Variants in TMTC3 observed in about 807,000 individuals in gnomAD.
TMTC3 encodes transmembrane O-mannosyltransferase targeting cadherins 3, also known as protein O-mannosyl-transferase TMTC3.
In TMTC3, 52 loss-of-function variants were observed where a neutral mutation model predicts 92.2. The observed-to-expected ratio is 0.56, with a 90% CI of 0.45 to 0.71. The LOEUF (loss-of-function observed/expected upper bound fraction) is 0.71. Ranked by LOEUF, TMTC3 falls within the 30% of genes least tolerant of loss-of-function variation. The probability of loss-of-function intolerance (pLI) is 0.00; values close to 1 mark genes in which losing one functional copy is unlikely to be tolerated. For synonymous variants in TMTC3, 339 were observed against 363.3 expected (o/e 0.93, Z 0.76); for missense variants, 896 against 1,057.1 (o/e 0.85, Z 2.11).
chr12:88,160,886 T>G, intron 6 of TMTC3, 35 bp downstream of exon 6: 1 of 1,540,160 alleles, frequency 6.5e-7, no homozygotes, highest in Non-Finnish European at 8.8e-7. Context: ...TCTCCATTCT[T>G]TTTTTTAACT....
chr12:88,194,374 T>C (rs1214278562), intron 13 of TMTC3, among the ~76,000 whole-genome samples: 1 of 152,182 alleles, frequency 6.6e-6, no homozygotes, highest in Non-Finnish European at 1.5e-5. Flanking sequence ...CCAGTAATAG[T>C]TACTATTTGC....
At chr12:88,180,288 A>C (rs2041302840) in intron 10 of TMTC3, among the ~76,000 whole-genome samples, 1 of 152,148 alleles carries the variant, frequency 6.6e-6, no homozygotes, top group Non-Finnish European at 1.5e-5. Flanking sequence ...ACCTCAGTCC[A>C]GTGTGTGTCA....
At chr12:88,143,862 CA>C (rs1004554359) in intron 1 of TMTC3, among the ~76,000 whole-genome samples, 2 of 152,052 alleles carry the variant, frequency 1.3e-5, no homozygotes, top group Non-Finnish European at 2.9e-5. Flanking sequence ...ATATGCTAAA[CA>C]AGGGGTGGGT....
At position 88,153,413 on chromosome 12, in the gene TMTC3, T is replaced by TG; in HGVS notation, c.313dup (p.Val105GlyfsTer16). 6.2e-7 allele frequency: 1 copy of TG among 1,613,578 alleles called. No homozygotes were observed. Among genetic ancestry groups the TG allele is most frequent in the Non-Finnish European group, 8.5e-7 (1 of 1,179,676 alleles). On this transcript the variant is annotated frameshift_variant, in exon 3 of 14. Coordinates refer to ENST00000266712, the MANE Select transcript of TMTC3 (RefSeq NM_181783.4). LOFTEE classifies it high-confidence loss of function. ...ATATGATTTTTCATGCTGTGGTTAG[T>TG]GTGATATTTCTCAAAGTATGCAAAC... is the stretch of plus-strand genomic sequence containing the variant.
In TMTC3 at chr12:88,190,636, A is replaced by C. The variant is rs373875784; in HGVS notation, c.1706+14A>C. On this transcript the variant is annotated intron_variant, in intron 12 of 13. Transcript: ENST00000266712. ...TTACATTAGCAGGTATCCCAGTTCA[A>C]CTTTAAGCTATCATTATGGAATATT... 1.9e-6 allele frequency: 3 copies of C among 1,610,828 alleles called. No individual in the cohort carries two copies. The highest frequency in any genetic ancestry group is 1.7e-6 in the Non-Finnish European group (2 of 1,178,252).
intron 6 of TMTC3, among the ~76,000 whole-genome samples, chr12:88,164,328 A>G (rs1022804137): frequency 2.6e-5 from 4 of 151,790 alleles, no homozygotes; most frequent in African/African-American, 9.7e-5. Context: ...CCGCACTCCT[A>G]GGGCTCCCAA....
Position 88,196,464 on chromosome 12 carries a change from T to C in TMTC3, c.*815T>C, listed in dbSNP as rs2138452705. 1 of 152,310 alleles carries C rather than the reference T, an allele frequency of 6.6e-6. No homozygotes were observed. Among genetic ancestry groups the C allele is most frequent in the South Asian group, 2.1e-4 (1 of 4,820 alleles). The allele number at this position is 152,310 out of a possible 1,614,324, so 9.4% of individuals were successfully genotyped here. ...TTCTTAGATCGTAGTCATTGAGAAG[T>C]CCCAATAACTCTAAACTTTTGAGTT... On this transcript the variant is annotated 3_prime_UTR_variant, in exon 14 of 14. Coordinates refer to ENST00000266712, the MANE Select transcript of TMTC3 (RefSeq NM_181783.4).
chr12:88,176,288 A>G lies in TMTC3; in HGVS notation c.1401A>G (p.Lys467=). The G allele has an allele frequency of 6.2e-7, 1 of 1,612,224 alleles. No individual in the cohort carries two copies. The highest frequency in any genetic ancestry group is 8.5e-7 in the Non-Finnish European group (1 of 1,179,006). ...ENEKNFERAL[K]YFLQATHVQP... Reference sequence around the variant, plus strand: ...AAAAGAACTTTGAGAGAGCTTTGAAATACTTCTTACAGGCTACCCATGTTC... The same window carrying G: ...AAAAGAACTTTGAGAGAGCTTTGAAGTACTTCTTACAGGCTACCCATGTTC... The change falls in exon 10 of 14, where the codon AAA becomes AAG. Residue 467 remains lysine (K), a synonymous_variant. Coordinates refer to ENST00000266712, the MANE Select transcript of TMTC3 (RefSeq NM_181783.4).
intron 3 of TMTC3, 121 bp from the exon 4 acceptor site, chr12:88,154,167 T>C: frequency 2.9e-6 from 2 of 678,978 alleles, no homozygotes; most frequent in Non-Finnish European, 2.4e-6. Context: ...ACCCAAAGAA[T>C]GTTTAAGAAA....
Position 88,196,590 on chromosome 12 carries a change from A to G in TMTC3, c.*941A>G, listed in dbSNP as rs2041515604. ...AAAGTCACAATTGAATTATTCTTAGATACCTTAAGCCACTGAATTCAGTTC... is the reference window on the plus strand; with the variant it reads ...AAAGTCACAATTGAATTATTCTTAGGTACCTTAAGCCACTGAATTCAGTTC... On this transcript the variant is annotated 3_prime_UTR_variant, in exon 14 of 14. Transcript: ENST00000266712. The G allele has an allele frequency of 1.3e-5, 2 of 151,908 alleles. No homozygotes were observed. Among genetic ancestry groups the G allele is most frequent in the African/African-American group, 4.8e-5 (2 of 41,424 alleles). 9.4% of individuals were successfully genotyped at this position (151,908 alleles called of 1,614,324 possible).
At chr12:88,172,564 A>G (rs757399156) in intron 7 of TMTC3, 33 bp from the exon 8 acceptor site, 1 of 1,197,912 alleles carries the variant, frequency 8.3e-7, no homozygotes, top group Non-Finnish European at 1.1e-6. Context: ...TAAATTTATT[A>G]TAAATTATTA....
intron 6 of TMTC3, among the ~76,000 whole-genome samples, chr12:88,162,640 T>G (rs1318802038): frequency 6.6e-6 from 1 of 152,174 alleles, no homozygotes; most frequent in African/African-American, 2.4e-5. Flanking sequence ...ATTTGAGTAT[T>G]CTTTTATATC....
intron 7 of TMTC3, among the ~76,000 whole-genome samples, chr12:88,168,171 A>G (rs1565949910): frequency 6.6e-6 from 1 of 152,254 alleles, no homozygotes; most frequent in Non-Finnish European, 1.5e-5. Context: ...AGGAAAGTGT[A>G]TTACAGACCA....
At position 88,198,507 on chromosome 12, in the gene TMTC3, T is replaced by C. The variant is rs1322904266; in HGVS notation, c.*2858T>C. 5 of 397,420 alleles carry C rather than the reference T, an allele frequency of 1.3e-5. No homozygotes were observed. The highest frequency in any genetic ancestry group is 1.1e-4 in the East Asian group (3 of 28,050). 24.6% of individuals were successfully genotyped at this position (397,420 alleles called of 1,614,324 possible). ...GGAATTGCACCTACATGTTTTCTTA[T>C]TAACATTCAGAATTGGGAATATTAA... On this transcript the variant is annotated 3_prime_UTR_variant, in exon 14 of 14. Coordinates refer to ENST00000266712, the MANE Select transcript of TMTC3 (RefSeq NM_181783.4).
chr12:88,153,429 G>T lies in TMTC3; in HGVS notation c.328G>T (p.Val110Leu). Residue 110 changes from valine (V) to leucine (L), a missense_variant, in exon 3 of 14, where the codon GTA (valine) becomes TTA (leucine). Transcript: ENST00000266712. Reference sequence around the variant, plus strand: ...TGTGGTTAGTGTGATATTTCTCAAAGTATGCAAACTTTTTCTGGACAACAA... The same window carrying T: ...TGTGGTTAGTGTGATATTTCTCAAATTATGCAAACTTTTTCTGGACAACAA... ...HAVVSVIFLK[V>L]CKLFLDNKSS... The T allele has an allele frequency of 1.2e-6, 2 of 1,613,618 alleles. No homozygotes were observed. The highest frequency in any genetic ancestry group is 1.7e-6 in the Non-Finnish European group (2 of 1,179,750).
chr12:88,186,703 G>A (rs1158464973), intron 10 of TMTC3, among the ~76,000 whole-genome samples: 6 of 152,066 alleles, frequency 3.9e-5, no homozygotes, highest in African/African-American at 1.2e-4. Flanking sequence ...TATCTTAAAA[G>A]TGATACTATT....
chr12:88,156,994 T>G (rs576121102), intron 4 of TMTC3, among the ~76,000 whole-genome samples: 1 of 152,004 alleles, frequency 6.6e-6, no homozygotes, highest in Non-Finnish European at 1.5e-5. Flanking sequence ...AATACTCATT[T>G]CTAACCTGAA....
At position 88,166,408 on chromosome 12, in the gene TMTC3, G is replaced by C; in HGVS notation, c.876G>C (p.Trp292Cys). The C allele has an allele frequency of 6.2e-7, 1 of 1,613,664 alleles. No homozygotes were observed. Among genetic ancestry groups the C allele is most frequent in the Non-Finnish European group, 8.5e-7 (1 of 1,179,874 alleles). ...TFNYLLPVNA[W>C]LLLNPSELCC... is the part of the protein sequence containing the mutation. ...ACTACCTCCTTCCTGTGAATGCTTG[G>C]TTGTTATTAAATCCTTCAGAGCTCT... The change falls in exon 7 of 14, where the codon TGG (tryptophan) becomes TGC (cysteine). Residue 292 changes from tryptophan to cysteine, a missense_variant. Transcript: ENST00000266712.
At position 88,196,867 on chromosome 12, in the gene TMTC3, A is replaced by C. The variant is rs1420957136; in HGVS notation, c.*1218A>C. 1 of 151,848 alleles carries C rather than the reference A, an allele frequency of 6.6e-6. No homozygotes were observed. Among genetic ancestry groups the C allele is most frequent in the Non-Finnish European group, 1.5e-5 (1 of 67,784 alleles). The allele number at this position is 151,848 out of a possible 1,614,324, so 9.4% of individuals were successfully genotyped here. A position where few individuals can be genotyped will look rare whatever the true frequency, so the allele number is the denominator to read the frequency against. On this transcript the variant is annotated 3_prime_UTR_variant, in exon 14 of 14. Transcript: ENST00000266712. ...GGATATAAAAGATAATTAGCCTACTATAGTATTAATAAATTTTTCAGTTGG... is the reference window on the plus strand; with the variant it reads ...GGATATAAAAGATAATTAGCCTACTCTAGTATTAATAAATTTTTCAGTTGG...
Sources: gnomAD v4.1 joint callset for allele counts (sites outside exome capture counted in the v4.1 genomes callset) on GRCh38, gnomAD v4.1.1 for gene constraint, MANE v1.5 for transcripts, NCBI Gene and HGNC (gene_info 2026-07-23, HGNC 2026-07-21) for gene names.